The following PCDH15 variants were observed in gnomAD, a reference collection of about 807,000 sequenced individuals.
PCDH15 encodes protocadherin related 15, also known as protocadherin-15.
Under a neutral mutation model 178.5 loss-of-function variants are expected in PCDH15, and 129 were observed. The ratio of observed to expected loss-of-function variants is 0.72; its 90% CI spans 0.63 to 0.84. The LOEUF (loss-of-function observed/expected upper bound fraction) is 0.84. Among genes scored for constraint, PCDH15 ranks in the 40% least tolerant of loss-of-function variants. The pLI, the probability that PCDH15 is intolerant of heterozygous loss-of-function variation, is 0.00. For missense variants in PCDH15, 2,230 were observed against 2,099.9 expected, an observed-to-expected ratio of 1.06 and a Z score of -1.21; for synonymous variants, 800 against 732.0, an observed-to-expected ratio of 1.09 and a Z score of -1.50.
chr10:54,644,687 G>T (rs1026197379), intron 2 of PCDH15, among the ~76,000 whole-genome samples: 1 of 152,098 alleles, frequency 6.6e-6, no homozygotes, highest in East Asian at 1.9e-4. Flanking sequence ...TCTTTGCAAA[G>T]ATTTTTCATA....
At chr10:54,801,918 C>G (rs989852484), upstream of PCDH15, among the ~76,000 whole-genome samples, 11 of 152,098 alleles carry the variant, frequency 7.2e-5, no homozygotes, top group African/African-American at 2.7e-4. Flanking sequence ...TAGTAAAATA[C>G]AATTATGTCA....
chr10:54,144,526 T>G (rs1255400037), intron 14 of PCDH15, among the ~76,000 whole-genome samples: 1 of 152,190 alleles, frequency 6.6e-6, no homozygotes, highest in Non-Finnish European at 1.5e-5. Flanking sequence ...GTTCTTGTTT[T>G]TTTACACATT....
chr10:54,582,531 C>T (rs1205529171), intron 2 of PCDH15, among the ~76,000 whole-genome samples: 1 of 152,024 alleles, frequency 6.6e-6, no homozygotes, highest in Non-Finnish European at 1.5e-5. Context: ...TACATATATG[C>T]AAACAAAACG....
chr10:55,486,643 T>C (rs1840304309), intron 2 of PCDH15, among the ~76,000 whole-genome samples: 1 of 151,564 alleles, frequency 6.6e-6, no homozygotes, highest in African/African-American at 2.4e-5. Flanking sequence ...TAGGCTTGTA[T>C]AGGCTCATAG....
intron 20 of PCDH15, among the ~76,000 whole-genome samples, chr10:53,996,546 T>C (rs2091859699): frequency 6.6e-6 from 1 of 152,132 alleles, no homozygotes. Flanking sequence ...GTCCCTGTCT[T>C]TGTGTCACTT....
intron 2 of PCDH15, among the ~76,000 whole-genome samples, chr10:55,535,461 A>T (rs991504368): frequency 1.3e-5 from 2 of 152,056 alleles, no homozygotes; most frequent in African/African-American, 4.8e-5. Flanking sequence ...TAAAGTCTAC[A>T]CTTGGTGAAT....
Position 54,421,944 on chromosome 10 carries a change from T to TATAA in PCDH15, c.158-43003_158-43002insTTAT, listed in dbSNP as rs1379781056. Among the ~76,000 whole-genome samples the TATAA allele has an allele frequency of 5.6e-4, 60 of 107,334 alleles. 3 individuals carry two copies. The highest frequency in any genetic ancestry group is 2.4e-3 in the African/African-American group (59 of 24,144). 70.4% of individuals were successfully genotyped at this position (107,334 alleles called of 152,430 possible). On this transcript the variant is annotated intron_variant, in intron 3 of 37. Transcript: ENST00000644397. ...TATATATACACTATATATATATATATAAAAATATATATATATATATTTAGG... is the reference window on the plus strand; with the variant it reads ...TATATATACACTATATATATATATATATAAAAAAATATATATATATATATTTAGG...
At chr10:53,874,301 T>C (rs897416464) in intron 26 of PCDH15, among the ~76,000 whole-genome samples, 1 of 152,098 alleles carries the variant, frequency 6.6e-6, no homozygotes, top group Non-Finnish European at 1.5e-5. Context: ...AAATTTACTT[T>C]TCCCCCTGCT....
chr10:53,993,197 C>T (rs914478754), intron 21 of PCDH15, among the ~76,000 whole-genome samples: 1 of 152,184 alleles, frequency 6.6e-6, no homozygotes, highest in Admixed American at 6.5e-5. Flanking sequence ...CATGGCCAAA[C>T]TAAGTCTTGG....
In PCDH15 at chr10:55,459,241, A is replaced by AAAAAG. The variant is rs10647110; in HGVS notation, c.-156+168383_-156+168384insCTTTT. On this transcript the variant is annotated intron_variant, in intron 2 of 5. Coordinates refer to the PCDH15 transcript ENST00000613346. ...CGAGTGTCCTTGGAGGCAAAAAAAA[A>AAAAAG]AAAGAAGGAAAGAAAAAAATAAATC... 8.9e-5 allele frequency among the ~76,000 whole-genome samples: 12 copies of AAAAAG among 134,212 alleles called. 1 individual carries two copies. The highest frequency in any genetic ancestry group is 2.2e-4 in the East Asian group (1 of 4,478). 88.0% of individuals were successfully genotyped at this position (134,212 alleles called of 152,430 possible). A position where few individuals can be genotyped will look rare whatever the true frequency, so the allele number is the denominator to read the frequency against.
intron 3 of PCDH15, among the ~76,000 whole-genome samples, chr10:54,484,356 C>A (rs2078940816): frequency 6.6e-6 from 1 of 151,920 alleles, no homozygotes; most frequent in East Asian, 1.9e-4. Flanking sequence ...ACTCAAACAC[C>A]TAATAATGCT....
At chr10:54,102,483 T>G (rs1230555326) in intron 15 of PCDH15, among the ~76,000 whole-genome samples, 1 of 152,244 alleles carries the variant, frequency 6.6e-6, no homozygotes, top group Non-Finnish European at 1.5e-5. Context: ...AATAGTCCAC[T>G]GTCATTCTCC....
intron 2 of PCDH15, among the ~76,000 whole-genome samples, chr10:54,906,394 T>A (rs572823946): frequency 9.2e-5 from 14 of 152,102 alleles, no homozygotes; most frequent in South Asian, 2.1e-4. Context: ...ATATTTTCAA[T>A]CCAGAACTGT....
At chr10:54,296,788 T>G (rs2133163323) in intron 8 of PCDH15, among the ~76,000 whole-genome samples, 2 of 152,258 alleles carry the variant, frequency 1.3e-5, no homozygotes, top group South Asian at 4.2e-4. Flanking sequence ...TTCATATAAG[T>G]GAGGACAAAA....
chr10:53,979,864 T>G (rs191902319), intron 21 of PCDH15, among the ~76,000 whole-genome samples: 3 of 152,344 alleles, frequency 2.0e-5, no homozygotes, highest in Admixed American at 6.5e-5. Flanking sequence ...TTTTAGTTCA[T>G]AGAGCGTATA....
chr10:54,721,221 G>A (rs1036418920), intron 1 of PCDH15, among the ~76,000 whole-genome samples: 1 of 151,638 alleles, frequency 6.6e-6, no homozygotes. Flanking sequence ...AAAAGCTCTG[G>A]GATACAACAA....
chr10:54,153,145 GCGTAAGTCCGCCCGA>G lies in PCDH15; in HGVS notation c.1724_1738del (p.Val575_Tyr579del). 6.2e-7 allele frequency: 1 copy of G among 1,613,906 alleles called. No homozygotes were observed. The highest frequency in any genetic ancestry group is 1.7e-5 in the Admixed American group (1 of 59,972). ...ATTATCCGCTGCTTGGACCGTGAGT[GCGTAAGTCCGCCCGA>G]CTATCATTTCCACCCCTGGAGCGAT... On this transcript the variant is annotated inframe_deletion, in exon 14 of 38. Transcript: ENST00000644397.
chr10:54,436,486 T>A (rs1015822362), intron 3 of PCDH15, among the ~76,000 whole-genome samples: 12 of 152,064 alleles, frequency 7.9e-5, no homozygotes, highest in African/African-American at 2.9e-4. Context: ...CTCTGAAATA[T>A]TAATAAGTTA....
intron 1 of PCDH15, among the ~76,000 whole-genome samples, chr10:55,170,215 T>C (rs189385671): frequency 6.6e-6 from 1 of 152,204 alleles, no homozygotes; most frequent in Admixed American, 6.5e-5. Flanking sequence ...AGTGGCATCA[T>C]TATGGCTCAC....
Sources: gnomAD v4.1 joint callset for allele counts (sites outside exome capture counted in the v4.1 genomes callset) on GRCh38, gnomAD v4.1.1 for gene constraint, MANE v1.5 for transcripts, NCBI Gene and HGNC (gene_info 2026-07-23, HGNC 2026-07-21) for gene names.